ZNF503: variants seen among roughly 807,000 people sequenced by gnomAD.
The protein encoded by ZNF503 is zinc finger protein 503, also known as NocA-like zinc finger 2.
A neutral mutation model predicts 34.4 loss-of-function variants in ZNF503; 15 were observed. The observed-to-expected ratio is 0.44, with a 90% confidence interval of 0.29 to 0.67. The LOEUF (loss-of-function observed/expected upper bound fraction) is 0.67, where lower values mean the gene tolerates loss of function less well. Ranked by LOEUF, ZNF503 falls within the 30% of genes least tolerant of loss-of-function variation. The pLI, the probability that ZNF503 is intolerant of heterozygous loss-of-function variation, is 0.13. For synonymous variants in ZNF503, 580 were observed against 456.8 expected, an observed-to-expected ratio of 1.27 and a Z score of -3.44; for missense variants, 1,007 against 926.8, an observed-to-expected ratio of 1.09 and a Z score of -1.12.
downstream of ZNF503, among the ~76,000 whole-genome samples, chr10:75,396,469 G>T (rs956825195): frequency 3.9e-5 from 6 of 152,140 alleles, no homozygotes; most frequent in African/African-American, 9.7e-5. This position sits in a 1 kb window ranked among gnomAD's most constrained non-coding sequence, Gnocchi z 4.4. Context: ...CCGGGTAAAG[G>T]CCCTGCAGCC....
In ZNF503 at chr10:75,401,044, A is replaced by C. The variant is rs769254689; in HGVS notation, c.315+61T>G. ...CCTCCGCCCAGATCCCGAGAAAAAG[A>C]AAGCCCTAGGGTGGCAGCCAGGGTA... On this transcript the variant is annotated intron_variant, in intron 1 of 1. Transcript: ENST00000372524. 5 of 1,608,340 alleles carry C rather than the reference A, an allele frequency of 3.1e-6. No homozygotes were observed. The Admixed American group carries it at 5.0e-5, about 16-fold the overall frequency.
Position 75,401,235 on chromosome 10 carries a change from G to T in ZNF503, c.185C>A (p.Pro62His), listed in dbSNP as rs764069684. 4 of 1,608,168 alleles carry T rather than the reference G, an allele frequency of 2.5e-6. No individual in the cohort carries two copies. The South Asian group carries it at 3.3e-5, about 13-fold the overall frequency. Residue 62 changes from proline (P) to histidine (H), a missense_variant, in exon 1 of 2, where the codon CCC becomes CAC. Physicochemically the swap from Pro to His is moderately conservative, Grantham distance 77 (BLOSUM62 -2). Transcript: ENST00000372524. ...GTTGGCCTGGCGCAGGGGGTCAGAGGGGGGCACGGCGTGCACAAAAGGCTT... is the reference window on the plus strand; with the variant it reads ...GTTGGCCTGGCGCAGGGGGTCAGAGTGGGGCACGGCGTGCACAAAAGGCTT... ...STKPFVHAVP[P>H]SDPLRQANRL...
In ZNF503 at chr10:75,400,307, G is replaced by A; in HGVS notation, c.383C>T (p.Pro128Leu). Residue 128 changes from proline to leucine, a missense_variant, in exon 2 of 2, where the codon CCC becomes CTC. Pro to Leu is a moderately conservative substitution (Grantham distance 98). Coordinates refer to ENST00000372524, the MANE Select transcript of ZNF503 (RefSeq NM_032772.6). ...CGAGGAGAGTTTGGAGGAGGGCGAG[G>A]GGTCGGGCTTCCCGATCTGCGAACA... ...QTCSQIGKPD[P>L]SPSSKLSSVA... 3 of 1,612,992 alleles carry A rather than the reference G, an allele frequency of 1.9e-6. No homozygotes were observed. Among genetic ancestry groups the A allele is most frequent in the Non-Finnish European group, 2.5e-6 (3 of 1,179,564 alleles).
the ZNF503 span, among the ~76,000 whole-genome samples, chr10:75,367,563 G>A: frequency 6.6e-6 from 1 of 152,100 alleles, no homozygotes; most frequent in Non-Finnish European, 1.5e-5. Flanking sequence ...GAGCAACTTC[G>A]TGCTAAAAAG....
chr10:75,285,140 G>T, the ZNF503 span, among the ~76,000 whole-genome samples: 1 of 152,160 alleles, frequency 6.6e-6, no homozygotes, highest in Non-Finnish European at 1.5e-5. Context: ...TATTATTAGT[G>T]CTTATTATGT....
the ZNF503 span, among the ~76,000 whole-genome samples, chr10:75,347,243 C>T: frequency 6.6e-6 from 1 of 152,016 alleles, no homozygotes; most frequent in Non-Finnish European, 1.5e-5. Context: ...AGAGATGTGA[C>T]TATGTTCATG....
At chr10:75,369,403 G>T in the ZNF503 span, among the ~76,000 whole-genome samples, 1 of 152,136 alleles carries the variant, frequency 6.6e-6, no homozygotes, top group Non-Finnish European at 1.5e-5. Context: ...TGCTGTTCTC[G>T]TGATACTAAG....
chr10:75,393,939 A>C (rs1238271178), downstream of ZNF503, among the ~76,000 whole-genome samples: 1 of 152,200 alleles, frequency 6.6e-6, no homozygotes, highest in Non-Finnish European at 1.5e-5. Flanking sequence ...ATAACACCAA[A>C]AACCTTTTTG....
chr10:75,317,051 C>T, the ZNF503 span, among the ~76,000 whole-genome samples: 1 of 152,190 alleles, frequency 6.6e-6, no homozygotes, highest in Non-Finnish European at 1.5e-5. Flanking sequence ...AAGCCATCCT[C>T]CCACCTCAGC....
chr10:75,329,407 TTCCTTCCTTTCC>T, the ZNF503 span, among the ~76,000 whole-genome samples: 18,725 of 102,512 alleles, frequency 0.18, 1,447 homozygotes, highest in South Asian at 0.35. Context: ...CCTTCCTTCC[TTCCTTCCTTTCC>T]TTCCTTCCTT....
In ZNF503 at chr10:75,399,502, C is replaced by T; in HGVS notation, c.1188G>A (p.Ala396=). ...PGSLVGAQLA[A]AAAGSLGCSK... ...TGCAGCCCAGAGACCCGGCCGCGGC[C>T]GCCGCCAGCTGCGCCCCCACCAGGC... The change falls in exon 2 of 2, where the codon GCG becomes GCA. Residue 396 remains alanine, a synonymous_variant. Coordinates refer to ENST00000372524, the MANE Select transcript of ZNF503 (RefSeq NM_032772.6). 1 of 1,570,706 alleles carries T rather than the reference C, an allele frequency of 6.4e-7. No individual in the cohort carries two copies. The highest frequency in any genetic ancestry group is 8.6e-7 in the Non-Finnish European group (1 of 1,165,380).
chr10:75,310,674 C>T, the ZNF503 span, among the ~76,000 whole-genome samples: 2 of 152,110 alleles, frequency 1.3e-5, no homozygotes, highest in African/African-American at 4.8e-5. Flanking sequence ...TAATGCAGTA[C>T]CTTCCTGCAG....
the ZNF503 span, among the ~76,000 whole-genome samples, chr10:75,386,903 C>A: frequency 1.3e-5 from 2 of 152,244 alleles, no homozygotes; most frequent in South Asian, 4.1e-4. Flanking sequence ...CTGATTATAT[C>A]CCTCATCACA....
the ZNF503 span, among the ~76,000 whole-genome samples, chr10:75,322,084 T>C: frequency 1.3e-5 from 2 of 151,932 alleles, no homozygotes; most frequent in African/African-American, 4.8e-5. Context: ...TGCAAGCACC[T>C]TGGAATACTT....
the ZNF503 span, among the ~76,000 whole-genome samples, chr10:75,324,318 TTG>T: frequency 1.1e-4 from 12 of 108,848 alleles, no homozygotes; most frequent in South Asian, 2.0e-3. Context: ...TTTTGTTTGT[TTG>T]TTTTTCTGTT....
the ZNF503 span, among the ~76,000 whole-genome samples, chr10:75,352,681 G>T: frequency 6.6e-6 from 1 of 152,232 alleles, no homozygotes; most frequent in African/African-American, 2.4e-5. Flanking sequence ...CTTGAAGAAT[G>T]CTTGCAGATT....
rs553682138 is a variant in ZNF503 at position 75,398,743 on chromosome 10, C to T, written c.*6G>A. On this transcript the variant is annotated 3_prime_UTR_variant, in exon 2 of 2. Transcript: ENST00000372524. ...TCCTCTCCCTCGCTCGCCCTCCCGG[C>T]CGCCCTCACTGATACCCCAGCGCCG... 15 of 1,376,708 alleles carry T rather than the reference C, an allele frequency of 1.1e-5. No homozygotes were observed. The African/African-American group carries it at 2.0e-4, about 18-fold the overall frequency. 85.3% of individuals were successfully genotyped at this position (1,376,708 alleles called of 1,614,324 possible).
At position 75,401,740 on chromosome 10, in the gene ZNF503, C is replaced by A; in HGVS notation, c.-321G>T. 2.7e-6 allele frequency: 1 copy of A among 367,388 alleles called. No homozygotes were observed. Among genetic ancestry groups the A allele is most frequent in the Non-Finnish European group, 4.9e-6 (1 of 205,610 alleles). 22.8% of individuals were successfully genotyped at this position (367,388 alleles called of 1,614,324 possible). ...CCGGCGCTGCGCTCTGCGATGCGAG[C>A]CGCTGCGTGTCCAGCCGGGGCTCTG... On this transcript the variant is annotated 5_prime_UTR_variant, in exon 1 of 2. Transcript: ENST00000372524.
chr10:75,283,745 G>A, the ZNF503 span: 1 of 152,478 alleles, frequency 6.6e-6, no homozygotes, highest in African/African-American at 2.4e-5. Context: ...AAGAAAGGAG[G>A]GAGTTAAAGT....
Sources: gnomAD v4.1 joint callset for allele counts (sites outside exome capture counted in the v4.1 genomes callset) on GRCh38, gnomAD v4.1.1 for gene constraint, Gnocchi (gnomAD v3.1) non-coding constraint, MANE v1.5 for transcripts, NCBI Gene and HGNC (gene_info 2026-07-23, HGNC 2026-07-21) for gene names.